NMNAT1: variants seen among roughly 807,000 people sequenced by gnomAD.
The protein encoded by NMNAT1 is nicotinamide/nicotinic acid mononucleotide adenylyltransferase 1.
A neutral mutation model predicts 16.7 loss-of-function variants in NMNAT1; 11 were observed. The ratio of observed to expected loss-of-function variants is 0.66; its 90% CI spans 0.41 to 1.09. The LOEUF is 1.09. Ranked by LOEUF, NMNAT1 falls within the 50% of genes least tolerant of loss-of-function variation. The pLI is 0.00. For synonymous variants in NMNAT1, 110 were observed against 119.8 expected, an observed-to-expected ratio of 0.92 and a Z score of 0.53; for missense variants, 280 against 332.3, an observed-to-expected ratio of 0.84 and a Z score of 1.22.
At chr1:9,943,135 G>A (rs1640848287), upstream of NMNAT1, 1 of 175,842 alleles carries the variant, frequency 5.7e-6, no homozygotes, top group Non-Finnish European at 1.2e-5. Flanking sequence ...CCCACCCCAC[G>A]CGGGAACTTG....
intron 2 of NMNAT1, among the ~76,000 whole-genome samples, chr1:9,974,804 G>A (rs1400724106): frequency 6.6e-6 from 1 of 152,128 alleles, no homozygotes; most frequent in Non-Finnish European, 1.5e-5. Flanking sequence ...GATAACAGGT[G>A]TGAGCCACCA....
downstream of NMNAT1, among the ~76,000 whole-genome samples, chr1:9,990,207 C>T (rs953753539): frequency 6.6e-6 from 1 of 152,204 alleles, no homozygotes; most frequent in Non-Finnish European, 1.5e-5. Context: ...CTCAGAAGTA[C>T]AGACATAGGG....
In NMNAT1 at chr1:9,982,507, T is replaced by C; in HGVS notation, c.646T>C (p.Trp216Arg). The change falls in exon 5 of 5, where the codon TGG becomes CGG. Residue 216 changes from tryptophan to arginine, a missense_variant. By Grantham distance (101) the Trp-to-Arg change is moderately radical. Coordinates refer to ENST00000377205, the MANE Select transcript of NMNAT1 (RefSeq NM_022787.4). ...HRSNIHVVNE[W>R]IANDISSTKI... ...GAGCAACATTCACGTGGTGAATGAA[T>C]GGATCGCTAATGACATCTCATCCAC... The C allele has an allele frequency of 1.9e-6, 3 of 1,614,156 alleles. No individual in the cohort carries two copies. The highest frequency in any genetic ancestry group is 2.5e-6 in the Non-Finnish European group (3 of 1,180,014).
At chr1:9,968,179 C>T (rs1641602117) in intron 1 of NMNAT1, among the ~76,000 whole-genome samples, 1 of 142,012 alleles carries the variant, frequency 7.0e-6, no homozygotes, top group Non-Finnish European at 1.5e-5. Flanking sequence ...TCACGCCGTT[C>T]TCCTGCCTCA....
intron 1 of NMNAT1, among the ~76,000 whole-genome samples, chr1:9,967,734 C>A (rs1360288833): frequency 3.3e-5 from 5 of 152,018 alleles, no homozygotes; most frequent in Non-Finnish European, 7.4e-5. Flanking sequence ...TTGGAATTGG[C>A]CAAAGTGGAC....
At chr1:9,975,542 C>T (rs758766092) in intron 2 of NMNAT1, 50 bp from the exon 3 acceptor site, 56 of 1,326,074 alleles carry the variant, frequency 4.2e-5, no homozygotes, top group Non-Finnish European at 5.4e-5. Flanking sequence ...ATTTCCTGTG[C>T]ATAAAGTCTA....
chr1:9,954,937 A>G (rs1641217673), intron 1 of NMNAT1, among the ~76,000 whole-genome samples: 1 of 151,776 alleles, frequency 6.6e-6, no homozygotes, highest in Admixed American at 6.6e-5. Flanking sequence ...CTCAAAAAAA[A>G]AAAAAAGGAA....
At chr1:9,967,973 CTCAAAAA>C (rs983373523) in intron 1 of NMNAT1, among the ~76,000 whole-genome samples, 1 of 151,520 alleles carries the variant, frequency 6.6e-6, no homozygotes, top group Non-Finnish European at 1.5e-5. Context: ...GAGATACTGT[CTCAAAAA>C]TCAAAAAACA....
At chr1:9,977,605 G>T (rs1261645976) in intron 3 of NMNAT1, among the ~76,000 whole-genome samples, 2 of 151,906 alleles carry the variant, frequency 1.3e-5, no homozygotes, top group African/African-American at 4.8e-5. Context: ...GGTAGCTCAT[G>T]ACTATAATCC....
At chr1:9,973,989 C>T (rs1366107873) in intron 2 of NMNAT1, among the ~76,000 whole-genome samples, 1 of 151,956 alleles carries the variant, frequency 6.6e-6, no homozygotes, top group Non-Finnish European at 1.5e-5. Context: ...AGGCACACAG[C>T]ACCATGCCCG....
Position 9,959,534 on chromosome 1 carries a change from A to T in NMNAT1, c.-56-12484A>T, listed in dbSNP as rs111306143. Among the ~76,000 whole-genome samples, 1,141 of 151,754 alleles carry T rather than the reference A, an allele frequency of 7.5e-3. 16 individuals carry two copies. Among genetic ancestry groups the T allele is most frequent in the African/African-American group, 0.027 (1,100 of 41,364 alleles). On this transcript the variant is annotated intron_variant, in intron 1 of 4. Transcript: ENST00000377205. The stretch of plus-strand genomic sequence containing the variant: ...CATCTCTACTAAAAATACAAAAATT[A>T]GCTGGGCGTGGTGGCATGCGCCTGT...
At chr1:9,978,651 G>A (rs1031842112) in intron 3 of NMNAT1, among the ~76,000 whole-genome samples, 1 of 152,066 alleles carries the variant, frequency 6.6e-6, no homozygotes, top group Non-Finnish European at 1.5e-5. Flanking sequence ...CTGGGCCACA[G>A]CCCTACCCGA....
At position 9,958,453 on chromosome 1, in the gene NMNAT1, T is replaced by G. The variant is rs140368873; in HGVS notation, c.-56-13565T>G. Among the ~76,000 whole-genome samples the G allele has an allele frequency of 5.2e-3, 795 of 151,756 alleles. 11 individuals are homozygous for G. Among genetic ancestry groups the G allele is most frequent in the African/African-American group, 0.017 (706 of 41,416 alleles). On this transcript the variant is annotated intron_variant, in intron 1 of 4. Coordinates refer to ENST00000377205, the MANE Select transcript of NMNAT1 (RefSeq NM_022787.4). The stretch of plus-strand genomic sequence containing the variant: ...TTTTTGTTTTGTTTTGTTTTTTTTT[T>G]TTTTGAGACAGAGTCTTGCTCTGTC...
Position 9,971,482 on chromosome 1 carries a change from T to C in NMNAT1, c.-56-536T>C, listed in dbSNP as rs544962830. Among the ~76,000 whole-genome samples, 67 of 152,022 alleles carry C rather than the reference T, an allele frequency of 4.4e-4. No homozygotes were observed. The East Asian group carries it at 0.012, about 26-fold the overall frequency. On this transcript the variant is annotated intron_variant, in intron 1 of 4. Coordinates refer to ENST00000377205, the MANE Select transcript of NMNAT1 (RefSeq NM_022787.4). ...GTGCCTGTCACCACACCCAGCTAAT[T>C]TTTGTATTTTTTGTAAAGACGAGGT... is the stretch of plus-strand genomic sequence containing the variant.
chr1:9,948,242 C>T lies in NMNAT1; in HGVS notation c.-57+4727C>T, dbSNP rs140123863. The stretch of plus-strand genomic sequence containing the variant: ...ACTTTGGGAGATTTTATACTGAATA[C>T]GTTCTTCTTGCCCATTAGTACTGTT... On this transcript the variant is annotated intron_variant, in intron 1 of 4. Transcript: ENST00000377205. Among the ~76,000 whole-genome samples, 629 of 152,168 alleles carry T rather than the reference C, an allele frequency of 4.1e-3. 20 individuals carry two copies. The highest frequency in any genetic ancestry group is 0.033 in the Admixed American group (510 of 15,248).
intron 1 of NMNAT1, among the ~76,000 whole-genome samples, chr1:9,959,548 GCA>G (rs1641353771): frequency 6.6e-6 from 1 of 151,778 alleles, no homozygotes; most frequent in Admixed American, 6.6e-5. Flanking sequence ...GGGCGTGGTG[GCA>G]TGCGCCTGTA....
chr1:9,949,032 G>A (rs1641043809), intron 1 of NMNAT1, among the ~76,000 whole-genome samples: 1 of 151,572 alleles, frequency 6.6e-6, no homozygotes, highest in Admixed American at 6.6e-5. Context: ...CACTTTGGGA[G>A]GCCGAGGCAG....
intron 1 of NMNAT1, among the ~76,000 whole-genome samples, chr1:9,959,761 CA>C (rs1178881696): frequency 6.6e-6 from 1 of 152,114 alleles, no homozygotes; most frequent in Non-Finnish European, 1.5e-5. Flanking sequence ...CTATTAAATT[CA>C]CCTTGATTAT....
chr1:9,990,279 G>C (rs1304800962), downstream of NMNAT1, among the ~76,000 whole-genome samples: 2 of 152,156 alleles, frequency 1.3e-5, no homozygotes, highest in Admixed American at 1.3e-4. Context: ...GGGGACCCGG[G>C]TTCTTTCCAT....
Sources: gnomAD v4.1 joint callset for allele counts (sites outside exome capture counted in the v4.1 genomes callset) on GRCh38, gnomAD v4.1.1 for gene constraint, MANE v1.5 for transcripts, NCBI Gene and HGNC (gene_info 2026-07-23, HGNC 2026-07-21) for gene names.